The following SPG7 variants were observed in gnomAD, a reference collection of about 807,000 sequenced individuals.
SPG7 encodes SPG7 matrix AAA peptidase subunit, paraplegin.
In SPG7, 103 loss-of-function variants were observed where a neutral mutation model predicts 81.9. The observed-to-expected ratio is 1.26, with a 90% CI of 1.07 to 1.48. The LOEUF (loss-of-function observed/expected upper bound fraction) is 1.48. Among genes scored for constraint, SPG7 ranks in the 40% most tolerant of loss-of-function variants. SPG7 has a pLI of 0.00. For synonymous variants in SPG7, 534 were observed against 444.2 expected (o/e 1.20, Z -2.54); for missense variants, 1,241 against 1,087.3 (o/e 1.14, Z -1.99).
At chr16:89,549,779 G>C in intron 12 of SPG7, 1 of 164,526 alleles carries the variant, frequency 6.1e-6, no homozygotes, top group Non-Finnish European at 1.3e-5. Context: ...GGTCTGAGGG[G>C]AGAGGGAAAG....
intron 2 of SPG7, among the ~76,000 whole-genome samples, chr16:89,512,180 G>A (rs1031897559): frequency 9.2e-5 from 14 of 152,050 alleles, no homozygotes; most frequent in African/African-American, 3.4e-4. Context: ...CAAAGTGCTG[G>A]GATTACAGGC....
At chr16:89,542,649 G>A (rs1461939893) in intron 9 of SPG7, among the ~76,000 whole-genome samples, 3 of 152,110 alleles carry the variant, frequency 2.0e-5, no homozygotes, top group Non-Finnish European at 2.9e-5. Context: ...CAGACCTGGC[G>A]GCTACGGCTT....
intron 2 of SPG7, among the ~76,000 whole-genome samples, chr16:89,511,177 TA>T (rs1287948204): frequency 2.6e-5 from 4 of 152,182 alleles, no homozygotes; most frequent in Non-Finnish European, 4.4e-5. Flanking sequence ...TGTATTCCAG[TA>T]ATTGGGCTGC....
intron 16 of SPG7, chr16:89,556,220 A>G (rs1424263934): frequency 2.8e-5 from 11 of 399,244 alleles, no homozygotes; most frequent in South Asian, 1.4e-4. Flanking sequence ...GTCTCTTGCA[A>G]TACAGCCACA....
At chr16:89,556,696 C>A in intron 16 of SPG7, 191 bp from the exon 17 acceptor site, 1 of 624,046 alleles carries the variant, frequency 1.6e-6, no homozygotes, top group Non-Finnish European at 2.9e-6. Context: ...GCCGGAAAAT[C>A]ATTTATGAGG....
chr16:89,532,636 G>A lies in SPG7; in HGVS notation c.1324G>A (p.Gly442Arg). ...CAACCAGCTTCTGGTAGAAATGGAT[G>A]GTCAGTGCTCGTGCGCCCCGCACCC... Reference protein sequence around the residue: ...TLNQLLVEMDGMGTTDHVIVL... With the variant: ...TLNQLLVEMDRMGTTDHVIVL... The change falls in exon 9 of 17, where the codon GGA becomes AGA. Residue 442 changes from glycine (G) to arginine (R), a missense_variant and splice_region_variant. Physicochemically the swap from Gly to Arg is moderately radical, Grantham distance 125. Coordinates refer to ENST00000645818, the MANE Select transcript of SPG7 (RefSeq NM_003119.4). 5 of 1,613,358 alleles carry A rather than the reference G, an allele frequency of 3.1e-6. No homozygotes were observed. The highest frequency in any genetic ancestry group is 4.2e-6 in the Non-Finnish European group (5 of 1,180,028).
At chr16:89,510,625 G>T (rs1341846751) in intron 2 of SPG7, 33 bp downstream of exon 2, 16 of 1,302,448 alleles carry the variant, frequency 1.2e-5, no homozygotes, top group Middle Eastern at 3.6e-4. Context: ...AGCTGAGCAT[G>T]ACTGCACACT....
chr16:89,508,530 G>C lies in SPG7; in HGVS notation c.113G>C (p.Gly38Ala). 6.6e-7 allele frequency: 1 copy of C among 1,513,326 alleles called. No homozygotes were observed. Among genetic ancestry groups the C allele is most frequent in the Non-Finnish European group, 8.8e-7 (1 of 1,136,456 alleles). 93.7% of individuals were successfully genotyped at this position (1,513,326 alleles called of 1,614,324 possible). ...AGTCCAGGGTTCCCCGCCAGGCCCG[G>C]GAGGGGGCGGCCGTACATGGCCAGC... ...AWSPGFPARP[G>A]RGRPYMASRP... Residue 38 changes from glycine (G) to alanine (A), a missense_variant, in exon 1 of 17, where the codon GGG becomes GCG. Transcript: ENST00000645818.
intron 16 of SPG7, 49 bp downstream of exon 16, chr16:89,554,612 A>G (rs2058668731): frequency 7.7e-7 from 1 of 1,296,364 alleles, no homozygotes; most frequent in East Asian, 2.3e-5. Flanking sequence ...CAGTGTCCAC[A>G]CAGCACCCAC....
chr16:89,529,750 T>C (rs1490911712), intron 6 of SPG7, 171 bp downstream of exon 6: 15 of 679,910 alleles, frequency 2.2e-5, no homozygotes, highest in Non-Finnish European at 3.8e-5. Flanking sequence ...CTGTAAGGCG[T>C]GTAGTAACCA....
chr16:89,555,615 G>C, intron 16 of SPG7: 1 of 350,814 alleles, frequency 2.9e-6, no homozygotes. Flanking sequence ...CCTCTGGGGT[G>C]ACAGTTCCTC....
At chr16:89,537,653 T>C (rs2058444087) in intron 9 of SPG7, 12 of 959,880 alleles carry the variant, frequency 1.3e-5, no homozygotes, top group Non-Finnish European at 1.5e-5. Context: ...TAGTTGGGAC[T>C]CAAGGCTTGA....
intron 15 of SPG7, among the ~76,000 whole-genome samples, 162 bp downstream of exon 15, chr16:89,554,122 G>T (rs1284628009): frequency 1.3e-5 from 2 of 152,270 alleles, no homozygotes; most frequent in Non-Finnish European, 1.5e-5. Flanking sequence ...CACCTGTGGA[G>T]TATTTTCTTC....
At chr16:89,539,324 A>AC (rs2058468029) in intron 9 of SPG7, 1 of 151,978 alleles carries the variant, frequency 6.6e-6, no homozygotes, top group Non-Finnish European at 1.5e-5. Flanking sequence ...ATATGGAGAA[A>AC]CCCCATCTGT....
intron 5 of SPG7, among the ~76,000 whole-genome samples, chr16:89,528,447 T>C (rs1208506779): frequency 6.7e-6 from 1 of 150,142 alleles, no homozygotes; most frequent in Non-Finnish European, 1.5e-5. Context: ...CCCATTCTCA[T>C]GTCTTCGTAG....
chr16:89,544,970 G>T, intron 10 of SPG7, 198 bp downstream of exon 10: 1 of 660,620 alleles, frequency 1.5e-6, no homozygotes, highest in South Asian at 1.7e-5. Context: ...CACTGCTGTG[G>T]CCCCCACATT....
Position 89,532,127 on chromosome 16 carries a change from A to G in SPG7, c.1150+61A>G. 4 of 1,535,496 alleles carry G rather than the reference A, an allele frequency of 2.6e-6. No homozygotes were observed. The South Asian group carries it at 4.5e-5, about 17-fold the overall frequency. ...GCTGACTACCTGGCTCCTTTCACAC[A>G]TCCTTCCTCTGGTGTCTGGACTGAA... On this transcript the variant is annotated intron_variant, in intron 8 of 16. Transcript: ENST00000645818.
At chr16:89,554,704 CAACTGA>C (rs1291430806) in intron 16 of SPG7, 141 bp downstream of exon 16, 1 of 678,436 alleles carries the variant, frequency 1.5e-6, no homozygotes, top group South Asian at 1.5e-5. Context: ...CTACCCAGCT[CAACTGA>C]AACTTACGTG....
At position 89,553,087 on chromosome 16, in the gene SPG7, C is replaced by A; in HGVS notation, c.1888C>A (p.Leu630Met). ...EQLFERMCMA[L>M]GGRASEALSF... ...GCTGTTTGAGCGGATGTGCATGGCC[C>A]TGGGAGGACGGGCCTCGGAAGCACT... Residue 630 changes from leucine (L) to methionine (M), a missense_variant, in exon 14 of 17, where the codon CTG (leucine) becomes ATG (methionine). Coordinates refer to ENST00000645818, the MANE Select transcript of SPG7 (RefSeq NM_003119.4). The A allele has an allele frequency of 5.6e-6, 9 of 1,613,522 alleles. No homozygotes were observed. The highest frequency in any genetic ancestry group is 6.8e-6 in the Non-Finnish European group (8 of 1,179,794).
Sources: allele counts gnomAD v4.1 joint callset (sites outside exome capture counted in the v4.1 genomes callset), GRCh38; gene constraint gnomAD v4.1.1; transcripts MANE v1.5; gene names NCBI Gene and HGNC (gene_info 2026-07-23, HGNC 2026-07-21).